DLG2: variants seen among roughly 807,000 people sequenced by gnomAD.
DLG2 encodes the protein discs large MAGUK scaffold protein 2, also known as disks large homolog 2.
In DLG2, 45 loss-of-function variants were observed where a neutral mutation model predicts 132.5. The observed-to-expected ratio is 0.34, with a 90% CI of 0.27 to 0.44. DLG2 has a LOEUF of 0.44. Among genes scored for constraint, DLG2 ranks in the 20% least tolerant of loss-of-function variants. The pLI is 1.00. For missense variants in DLG2, 1,045 were observed against 1,196.9 expected, an observed-to-expected ratio of 0.87 and a Z score of 1.87; for synonymous variants, 424 against 419.6, an observed-to-expected ratio of 1.01 and a Z score of -0.13.
At chr11:84,848,082 G>A (rs1276623669) in intron 6 of DLG2, among the ~76,000 whole-genome samples, 3 of 152,086 alleles carry the variant, frequency 2.0e-5, no homozygotes, top group Non-Finnish European at 2.9e-5. Context: ...AGAGAACAGC[G>A]AAAAGAACTG....
rs541891807 is a variant in DLG2 at position 85,558,739 on chromosome 11, T to C, written c.40+39918A>G. On this transcript the variant is annotated intron_variant, in intron 3 of 27. Coordinates refer to ENST00000376104, the MANE Select transcript of DLG2 (RefSeq NM_001142699.3). ...CTCACTTATACATAGGAGCTGAATA[T>C]TGGATACTCATGGGCATAAAGATGG... Among the ~76,000 whole-genome samples the C allele has an allele frequency of 5.9e-5, 9 of 151,838 alleles. 1 individual carries two copies. The highest frequency in any genetic ancestry group is 5.9e-4 in the Admixed American group (9 of 15,204).
chr11:83,567,698 G>C (rs753552273), intron 19 of DLG2, among the ~76,000 whole-genome samples: 12 of 152,100 alleles, frequency 7.9e-5, no homozygotes, highest in Non-Finnish European at 1.3e-4. Flanking sequence ...TCAGGACCTG[G>C]AGCACAGTCT....
chr11:84,767,793 G>T (rs1169698849), intron 6 of DLG2, among the ~76,000 whole-genome samples: 2 of 151,944 alleles, frequency 1.3e-5, no homozygotes, highest in Non-Finnish European at 2.9e-5. Context: ...CCCCAGAGTA[G>T]GTAGCTTATA....
chr11:84,512,902 C>T (rs747179155), intron 7 of DLG2, among the ~76,000 whole-genome samples: 42 of 152,068 alleles, frequency 2.8e-4, no homozygotes, highest in Non-Finnish European at 5.4e-4. Context: ...AAACCAAACA[C>T]CTCATGTTCC....
intron 12 of DLG2, among the ~76,000 whole-genome samples, chr11:83,968,337 G>A (rs1311218071): frequency 6.6e-6 from 1 of 152,124 alleles, no homozygotes; most frequent in Non-Finnish European, 1.5e-5. Flanking sequence ...TTGAATGCTG[G>A]CTGTGAGTTC....
intron 7 of DLG2, among the ~76,000 whole-genome samples, chr11:84,310,516 C>G (rs983829128): frequency 1.2e-4 from 19 of 152,188 alleles, no homozygotes; most frequent in African/African-American, 4.6e-4. Context: ...TCTCCTTGCC[C>G]TATCCCAGAG....
chr11:83,604,772 C>T lies in DLG2; in HGVS notation c.1940+28439G>A, dbSNP rs889131626. 3.9e-5 allele frequency among the ~76,000 whole-genome samples: 6 copies of T among 151,960 alleles called. No individual in the cohort carries two copies. The South Asian group carries it at 1.0e-3, about 26-fold the overall frequency. ...GGCAGGGTATATGGAAATCTCTGTA[C>T]CTTCCTCTCAATTTTGCTGTGAACC... On this transcript the variant is annotated intron_variant, in intron 19 of 27. Coordinates refer to ENST00000376104, the MANE Select transcript of DLG2 (RefSeq NM_001142699.3).
chr11:85,427,799 A>C (rs181504289), intron 3 of DLG2, among the ~76,000 whole-genome samples: 1 of 152,182 alleles, frequency 6.6e-6, no homozygotes, highest in African/African-American at 2.4e-5. Flanking sequence ...ATGTAAATGG[A>C]CTAAATGCTC....
intron 16 of DLG2, among the ~76,000 whole-genome samples, chr11:83,857,000 A>G (rs1264972181): frequency 1.3e-5 from 2 of 152,082 alleles, no homozygotes; most frequent in African/African-American, 2.4e-5. Context: ...TTATTTTTGT[A>G]TCTGGTATAA....
chr11:85,457,507 T>C (rs1204448307), intron 3 of DLG2, among the ~76,000 whole-genome samples: 1 of 152,244 alleles, frequency 6.6e-6, no homozygotes, highest in Non-Finnish European at 1.5e-5. Flanking sequence ...TTATGCAGAC[T>C]TGCTTGTGTT....
At chr11:83,507,257 T>G (rs1180220053) in intron 21 of DLG2, among the ~76,000 whole-genome samples, 1 of 152,012 alleles carries the variant, frequency 6.6e-6, no homozygotes. Flanking sequence ...TTAGCATTTT[T>G]GGGTCTAATC....
At chr11:85,496,962 A>AGAC (rs1393754140) in intron 3 of DLG2, among the ~76,000 whole-genome samples, 1 of 152,300 alleles carries the variant, frequency 6.6e-6, no homozygotes, top group East Asian at 1.9e-4. Context: ...AAAACCACAA[A>AGAC]GACGGGGAGA....
At chr11:84,501,371 C>T (rs937350040) in intron 7 of DLG2, among the ~76,000 whole-genome samples, 7 of 152,170 alleles carry the variant, frequency 4.6e-5, no homozygotes, top group Non-Finnish European at 7.3e-5. Flanking sequence ...TCGAGACCAG[C>T]CTGGCCAACA....
chr11:84,202,200 C>T (rs949945162), intron 8 of DLG2, among the ~76,000 whole-genome samples: 1 of 152,016 alleles, frequency 6.6e-6, no homozygotes, highest in Non-Finnish European at 1.5e-5. Context: ...AGACATCACA[C>T]TATCCAACTT....
intron 7 of DLG2, among the ~76,000 whole-genome samples, chr11:84,313,563 A>AGGGAGG (rs772809685): frequency 8.8e-6 from 1 of 113,518 alleles, no homozygotes; most frequent in African/African-American, 3.5e-5. Context: ...GGAGGGAGGG[A>AGGGAGG]GGAGAGAGAG....
intron 8 of DLG2, among the ~76,000 whole-genome samples, chr11:84,194,129 T>C (rs903153125): frequency 7.2e-5 from 11 of 152,224 alleles, no homozygotes. Flanking sequence ...AATCTTTCGA[T>C]GATCATAATT....
At chr11:83,615,961 G>A (rs2060741492) in intron 19 of DLG2, among the ~76,000 whole-genome samples, 1 of 152,072 alleles carries the variant, frequency 6.6e-6, no homozygotes, top group Non-Finnish European at 1.5e-5. Flanking sequence ...TTAAATTTGT[G>A]GTGATTTGTT....
chr11:84,603,297 A>G lies in DLG2; in HGVS notation c.358-68566T>C, dbSNP rs191683150. On this transcript the variant is annotated intron_variant, in intron 6 of 27. Coordinates refer to ENST00000376104, the MANE Select transcript of DLG2 (RefSeq NM_001142699.3). ...GCACCCGGATCATGATGGTCTGAACATAGCAGACATTCCATATATATTTCT... is the reference window on the plus strand; with the variant it reads ...GCACCCGGATCATGATGGTCTGAACGTAGCAGACATTCCATATATATTTCT... Among the ~76,000 whole-genome samples the G allele has an allele frequency of 9.3e-3, 1,412 of 152,126 alleles. 17 individuals carry two copies. Among genetic ancestry groups the G allele is most frequent in the Middle Eastern group, 0.034 (10 of 294 alleles).
intron 9 of DLG2, among the ~76,000 whole-genome samples, chr11:84,116,727 TC>T (rs2093651635): frequency 6.6e-6 from 1 of 152,062 alleles, no homozygotes; most frequent in African/African-American, 2.4e-5. Flanking sequence ...AAAGCTAAAG[TC>T]CTAACACCAC....
Sources: gnomAD v4.1 joint callset for allele counts (sites outside exome capture counted in the v4.1 genomes callset) on GRCh38, gnomAD v4.1.1 for gene constraint, MANE v1.5 for transcripts, NCBI Gene and HGNC (gene_info 2026-07-23, HGNC 2026-07-21) for gene names.